The following TPH2 variants were observed in gnomAD, a reference collection of about 807,000 sequenced individuals.
TPH2 encodes tryptophan hydroxylase 2, also known as tryptophan 5-hydroxylase 2.
TPH2 carries 27 observed loss-of-function variants against 59.1 expected under a neutral mutation model. The ratio of observed to expected loss-of-function variants is 0.46; its 90% CI spans 0.34 to 0.63. The LOEUF (loss-of-function observed/expected upper bound fraction) is 0.63. TPH2 is among the 30% of genes least tolerant of loss of function. The pLI, the probability that TPH2 is intolerant of heterozygous loss-of-function variation, is 0.01. For synonymous variants in TPH2, 220 were observed against 210.5 expected (o/e 1.05, Z -0.39); for missense variants, 523 against 588.3 (o/e 0.89, Z 1.15).
intron 5 of TPH2, among the ~76,000 whole-genome samples, chr12:71,961,347 G>A (rs1049800610): frequency 1.3e-5 from 2 of 152,168 alleles, no homozygotes; most frequent in Non-Finnish European, 2.9e-5. Flanking sequence ...TATTGTTATT[G>A]TCACAGTGAA....
At chr12:71,951,628 G>T (rs1363252891) in intron 5 of TPH2, among the ~76,000 whole-genome samples, 2 of 152,094 alleles carry the variant, frequency 1.3e-5, no homozygotes, top group Non-Finnish European at 2.9e-5. Context: ...GATTATAGGT[G>T]TTTGCCATTG....
chr12:71,942,519 T>C (rs1469345501), intron 2 of TPH2, among the ~76,000 whole-genome samples: 7 of 152,110 alleles, frequency 4.6e-5, no homozygotes, highest in Admixed American at 3.9e-4. Flanking sequence ...GCTAGTGCAG[T>C]GGAAAGATAG....
At chr12:71,982,015 A>ATTGTTTTTTTTTTTTTTTTTTTTTTTT (rs1872293000) in intron 7 of TPH2, among the ~76,000 whole-genome samples, 3 of 60,492 alleles carry the variant, frequency 5.0e-5, no homozygotes, top group Non-Finnish European at 1.0e-4. Flanking sequence ...TATCATTCGT[A>ATTGTTTTTTTTTTTTTTTTTTTTTTTT]TTTTTTTTTT....
At position 71,944,366 on chromosome 12, in the gene TPH2, G is replaced by T. The variant is rs1871148039; in HGVS notation, c.328G>T (p.Val110Leu). Residue 110 changes from valine (V) to leucine (L), a missense_variant, in exon 3 of 11, where the codon GTG becomes TTG. Physicochemically the swap from Val to Leu is conservative, Grantham distance 32. Transcript: ENST00000333850. The part of the protein sequence containing the change: ...RRRSSEVEIF[V>L]DCECGKTEFN... ...AAGAAGTTCTGAGGTTGAAATCTTTGTGGACTGTGAGTGTGGGAAAACAGA... is the reference window on the plus strand; with the variant it reads ...AAGAAGTTCTGAGGTTGAAATCTTTTTGGACTGTGAGTGTGGGAAAACAGA... The T allele has an allele frequency of 6.2e-7, 1 of 1,613,818 alleles. No individual in the cohort carries two copies.
Position 71,949,573 on chromosome 12 carries a change from T to G in TPH2, c.541-15T>G, listed in dbSNP as rs767309374. 7 of 1,608,408 alleles carry G rather than the reference T, an allele frequency of 4.4e-6. No individual in the cohort carries two copies. Among genetic ancestry groups the G allele is most frequent in the East Asian group, 2.2e-5 (1 of 44,750 alleles). On this transcript the variant is annotated splice_polypyrimidine_tract_variant and intron_variant, in intron 4 of 10. Transcript: ENST00000333850. ...CAGCACTTTGTTAAATAACTTAATC[T>G]TTTTTGTGTTTAAGGGATTTAAGGA... is the stretch of plus-strand genomic sequence containing the variant.
chr12:71,965,354 T>C (rs1382034145), intron 5 of TPH2: 1 of 152,268 alleles, frequency 6.6e-6, no homozygotes, highest in Non-Finnish European at 1.5e-5. Flanking sequence ...CTTTGATGAA[T>C]GGCCATACTG....
At position 71,944,604 on chromosome 12, in the gene TPH2, G is replaced by T. The variant is rs1202088019; in HGVS notation, c.458G>T (p.Trp153Leu). The change falls in exon 4 of 11, where the codon TGG (tryptophan) becomes TTG (leucine). Residue 153 changes from tryptophan to leucine, a missense_variant. By Grantham distance (61) the Trp-to-Leu change is moderately conservative. Coordinates refer to ENST00000333850, the MANE Select transcript of TPH2 (RefSeq NM_173353.4). ...TEEEELEDVP[W>L]FPRKISELDK... ...TCAACAGAGCTAGAGGATGTGCCCT[G>T]GTTCCCTCGGAAGATCTCTGAGTTA... The T allele has an allele frequency of 6.2e-7, 1 of 1,613,884 alleles. No homozygotes were observed.
intron 5 of TPH2, chr12:71,961,878 A>G: frequency 9.0e-7 from 1 of 1,114,278 alleles, no homozygotes; most frequent in Non-Finnish European, 1.1e-6. Context: ...GTTTATTTTC[A>G]TTACGTCTCT....
At chr12:72,028,071 C>A (rs1179259456) in intron 9 of TPH2, among the ~76,000 whole-genome samples, 2 of 152,144 alleles carry the variant, frequency 1.3e-5, no homozygotes, top group Non-Finnish European at 2.9e-5. Flanking sequence ...ACGGGTAAAT[C>A]CAAAATAGTC....
At chr12:71,947,284 A>G (rs547947684) in intron 4 of TPH2, among the ~76,000 whole-genome samples, 1 of 152,244 alleles carries the variant, frequency 6.6e-6, no homozygotes, top group Non-Finnish European at 1.5e-5. Flanking sequence ...TATTATTTAA[A>G]GCTCCCAGGT....
chr12:71,948,961 T>C (rs1871273821), intron 4 of TPH2, among the ~76,000 whole-genome samples: 1 of 152,136 alleles, frequency 6.6e-6, no homozygotes, highest in African/African-American at 2.4e-5. Flanking sequence ...TGGATAAAAA[T>C]CTTGAAGTTG....
chr12:71,949,719 C>G (rs1871293050), intron 5 of TPH2, 64 bp downstream of exon 5: 2 of 1,362,778 alleles, frequency 1.5e-6, no homozygotes, highest in African/African-American at 1.4e-5. Context: ...CTGTGTTAAA[C>G]AAACCTGTCA....
intron 5 of TPH2, among the ~76,000 whole-genome samples, chr12:71,967,901 A>G (rs1871861766): frequency 6.6e-6 from 1 of 152,204 alleles, no homozygotes. Flanking sequence ...CTCAAACTTG[A>G]TTCAAAGTGT....
At chr12:71,944,215 T>C in intron 2 of TPH2, 79 bp from the exon 3 acceptor site, 1 of 1,510,730 alleles carries the variant, frequency 6.6e-7, no homozygotes, top group Non-Finnish European at 9.2e-7. Context: ...GCACCTTGCT[T>C]AAGATGTGAA....
chr12:72,006,861 T>C (rs1872968068), intron 8 of TPH2, among the ~76,000 whole-genome samples: 1 of 152,128 alleles, frequency 6.6e-6, no homozygotes, highest in Non-Finnish European at 1.5e-5. Context: ...GTAGAGCTGT[T>C]GTGAGAATTG....
intron 8 of TPH2, among the ~76,000 whole-genome samples, chr12:72,018,905 T>TC (rs1566167617): frequency 6.6e-6 from 1 of 152,186 alleles, no homozygotes; most frequent in Non-Finnish European, 1.5e-5. Context: ...GAGCTCTAGA[T>TC]CTCTTAAATG....
chr12:71,949,749 G>T, intron 5 of TPH2, 94 bp downstream of exon 5: 1 of 1,124,336 alleles, frequency 8.9e-7, no homozygotes, highest in Non-Finnish European at 1.3e-6. Flanking sequence ...TTTAACTTTT[G>T]CAGAAAGCAG....
At chr12:71,952,635 G>A (rs570916039) in intron 5 of TPH2, among the ~76,000 whole-genome samples, 36 of 152,254 alleles carry the variant, frequency 2.4e-4, no homozygotes, top group Non-Finnish European at 4.6e-4. Context: ...GGATGGTGCT[G>A]AGCCCAGACT....
intron 8 of TPH2, among the ~76,000 whole-genome samples, chr12:72,005,126 G>T (rs993184447): frequency 7.9e-5 from 12 of 152,144 alleles, no homozygotes; most frequent in Admixed American, 4.6e-4. Context: ...CTAGAAAATG[G>T]AAATGCTGTC....
Sources: allele counts gnomAD v4.1 joint callset (sites outside exome capture counted in the v4.1 genomes callset), GRCh38; gene constraint gnomAD v4.1.1; transcripts MANE v1.5; gene names NCBI Gene and HGNC (gene_info 2026-07-23, HGNC 2026-07-21).